Variants in ZNF385B observed in about 807,000 individuals in gnomAD.
ZNF385B encodes the protein zinc finger protein 385B, also known as zinc finger protein 533.
A neutral mutation model predicts 39.2 loss-of-function variants in ZNF385B; 23 were observed. The ratio of observed to expected loss-of-function variants is 0.59; its 90% CI spans 0.42 to 0.83. The LOEUF is 0.83. Among genes scored for constraint, ZNF385B ranks in the 40% least tolerant of loss-of-function variants. The probability of loss-of-function intolerance (pLI) is 0.00; values close to 1 mark genes in which losing one functional copy is unlikely to be tolerated. For missense variants in ZNF385B, 552 were observed against 598.9 expected (o/e 0.92, Z 0.82); for synonymous variants, 205 against 222.6 (o/e 0.92, Z 0.70).
intron 3 of ZNF385B, among the ~76,000 whole-genome samples, chr2:179,573,091 G>T (rs1031910596): frequency 1.1e-4 from 16 of 152,244 alleles, no homozygotes; most frequent in African/African-American, 3.9e-4. Context: ...TCAAGAATCT[G>T]CTCTCAAGTA....
At chr2:179,710,900 T>G (rs185194289) in intron 3 of ZNF385B, among the ~76,000 whole-genome samples, 2 of 152,354 alleles carry the variant, frequency 1.3e-5, no homozygotes, top group Non-Finnish European at 2.9e-5. Flanking sequence ...CTTAGTATAA[T>G]GACCCTCATC....
intron 3 of ZNF385B, among the ~76,000 whole-genome samples, chr2:179,550,584 C>T (rs1574747441): frequency 1.3e-5 from 2 of 149,972 alleles, no homozygotes; most frequent in South Asian, 4.3e-4. Flanking sequence ...TTTTAAAGTA[C>T]TGGTAGATCT....
intron 6 of ZNF385B, among the ~76,000 whole-genome samples, chr2:179,458,311 GCT>G (rs1348664653): frequency 6.6e-6 from 1 of 152,130 alleles, no homozygotes; most frequent in Non-Finnish European, 1.5e-5. Context: ...CCCTGCACAA[GCT>G]CTCTCTTTAC....
At chr2:179,696,326 C>CTTTTTTTTGTTTTTTTTTTT (rs1698746889) in intron 3 of ZNF385B, among the ~76,000 whole-genome samples, 1 of 40,354 alleles carries the variant, frequency 2.5e-5, no homozygotes, top group Non-Finnish European at 4.1e-5. Flanking sequence ...CAAACTGGGA[C>CTTTTTTTTGTTTTTTTTTTT]TTTTTTTTTT....
At chr2:179,674,073 T>G (rs1323544738) in intron 3 of ZNF385B, among the ~76,000 whole-genome samples, 1 of 152,212 alleles carries the variant, frequency 6.6e-6, no homozygotes, top group Non-Finnish European at 1.5e-5. Context: ...CAATAGTTTT[T>G]GTAAGGCCAG....
At chr2:179,564,653 C>G (rs763243702) in intron 3 of ZNF385B, among the ~76,000 whole-genome samples, 2 of 152,100 alleles carry the variant, frequency 1.3e-5, no homozygotes, top group Non-Finnish European at 2.9e-5. Context: ...CTTATGATTT[C>G]TCCAGCAAAA....
chr2:179,533,069 A>G lies in ZNF385B; in HGVS notation c.441+11758T>C, dbSNP rs114782923. ...TCTGACATTACCCTTGCACTGTAAC[A>G]AAATGAAGGTTCCCCAGATGCATAG... On this transcript the variant is annotated intron_variant, in intron 4 of 9. Coordinates refer to ENST00000410066, the MANE Select transcript of ZNF385B (RefSeq NM_152520.6). 7.9e-3 allele frequency among the ~76,000 whole-genome samples: 1,207 copies of G among 152,310 alleles called. 19 individuals are homozygous for G. The highest frequency in any genetic ancestry group is 0.027 in the African/African-American group (1,123 of 41,568).
At chr2:179,524,551 CAAAAAAAAAAAAAAAAAAAAAA>C (rs770219234) in intron 4 of ZNF385B, among the ~76,000 whole-genome samples, 1,440 of 61,064 alleles carry the variant, frequency 0.024, 47 homozygotes, top group African/African-American at 0.1. Flanking sequence ...GACTCCGTCT[CAAAAAAAAAAAAAAAAAAAAAA>C]AAAAAAAAAA....
chr2:179,570,537 T>C (rs1685091502), intron 3 of ZNF385B, among the ~76,000 whole-genome samples: 1 of 152,142 alleles, frequency 6.6e-6, no homozygotes, highest in African/African-American at 2.4e-5. Context: ...TTTTTTAGAT[T>C]TGGAAGGGGA....
intron 3 of ZNF385B, among the ~76,000 whole-genome samples, chr2:179,748,452 C>T (rs562604937): frequency 1.3e-5 from 2 of 152,020 alleles, no homozygotes; most frequent in South Asian, 2.1e-4. Context: ...GTTATCTCAC[C>T]CTCTTCTCAT....
At chr2:179,817,827 G>A (rs1303088860) in intron 1 of ZNF385B, among the ~76,000 whole-genome samples, 2 of 152,158 alleles carry the variant, frequency 1.3e-5, no homozygotes, top group African/African-American at 2.4e-5. Context: ...AGGAGACAAT[G>A]TGAGTTTATG....
At chr2:179,695,467 T>C (rs917462907) in intron 3 of ZNF385B, among the ~76,000 whole-genome samples, 1 of 151,966 alleles carries the variant, frequency 6.6e-6, no homozygotes, top group Non-Finnish European at 1.5e-5. Flanking sequence ...CTAGAATATA[T>C]AAAGGTATTA....
At chr2:179,469,076 T>C (rs943290302) in intron 6 of ZNF385B, among the ~76,000 whole-genome samples, 2 of 152,226 alleles carry the variant, frequency 1.3e-5, no homozygotes, top group African/African-American at 4.8e-5. Flanking sequence ...AGAAAGTCTG[T>C]TGGCCATAGG....
rs1258457347 is a variant in ZNF385B at position 179,808,015 on chromosome 2, G to A, written c.-154-37343C>T. Reference sequence around the variant, plus strand: ...ACATACAAATATCATTTATAATATCGTATATAATTCTTTTTGTTTGTTTGT... The same window carrying A: ...ACATACAAATATCATTTATAATATCATATATAATTCTTTTTGTTTGTTTGT... On this transcript the variant is annotated intron_variant, in intron 1 of 9. Coordinates refer to ENST00000410066, the MANE Select transcript of ZNF385B (RefSeq NM_152520.6). 2.6e-5 allele frequency among the ~76,000 whole-genome samples: 4 copies of A among 151,370 alleles called. No individual in the cohort carries two copies. The South Asian group carries it at 6.3e-4, about 24-fold the overall frequency.
intron 3 of ZNF385B, among the ~76,000 whole-genome samples, chr2:179,647,601 G>T (rs183332990): frequency 2.6e-5 from 4 of 152,276 alleles, no homozygotes; most frequent in African/African-American, 7.2e-5. Context: ...AAAAGAGCAG[G>T]TATGTGGCTA....
intron 3 of ZNF385B, among the ~76,000 whole-genome samples, chr2:179,610,280 C>T (rs1689181085): frequency 6.6e-6 from 1 of 152,096 alleles, no homozygotes. Context: ...TATGTATATT[C>T]AATTTTCTCA....
At chr2:179,591,405 G>T (rs1687552580) in intron 3 of ZNF385B, among the ~76,000 whole-genome samples, 1 of 152,092 alleles carries the variant, frequency 6.6e-6, no homozygotes, top group Non-Finnish European at 1.5e-5. Context: ...AGCAATGAAA[G>T]GGCTTTGGGT....
intron 1 of ZNF385B, among the ~76,000 whole-genome samples, chr2:179,791,665 C>G (rs560616297): frequency 1.3e-5 from 2 of 152,166 alleles, no homozygotes. Flanking sequence ...AGTGCCATGG[C>G]AAGCCATTGG....
intron 5 of ZNF385B, among the ~76,000 whole-genome samples, chr2:179,500,138 C>T (rs34752547): frequency 0.27 from 41,638 of 151,786 alleles, 6,993 homozygotes; most frequent in Non-Finnish European, 0.38. Flanking sequence ...GAAGAGGACA[C>T]AAAAAGTGAA....
Sources: gnomAD v4.1 joint callset for allele counts (sites outside exome capture counted in the v4.1 genomes callset) on GRCh38, gnomAD v4.1.1 for gene constraint, MANE v1.5 for transcripts, NCBI Gene and HGNC (gene_info 2026-07-23, HGNC 2026-07-21) for gene names.